The following HS6ST3 variants were observed in gnomAD, a reference collection of about 807,000 sequenced individuals.
HS6ST3 encodes the protein heparan sulfate 6-O-sulfotransferase 3, also known as heparan-sulfate 6-O-sulfotransferase 3.
In HS6ST3, 12 loss-of-function variants were observed where a neutral mutation model predicts 36.7. The observed-to-expected ratio is 0.33, with a 90% CI of 0.21 to 0.53. The LOEUF (loss-of-function observed/expected upper bound fraction) is 0.53. HS6ST3 is among the 20% of genes least tolerant of loss of function. The pLI is 0.95. For synonymous variants in HS6ST3, 240 were observed against 257.5 expected, an observed-to-expected ratio of 0.93 and a Z score of 0.65; for missense variants, 584 against 640.9, an observed-to-expected ratio of 0.91 and a Z score of 0.96.
intron 1 of HS6ST3, among the ~76,000 whole-genome samples, chr13:96,255,511 A>G (rs1213941439): frequency 6.6e-6 from 1 of 152,218 alleles, no homozygotes; most frequent in Non-Finnish European, 1.5e-5. Flanking sequence ...ATTCATTTAC[A>G]AATTTTTTTC....
At chr13:96,482,218 A>G (rs539789261) in intron 1 of HS6ST3, among the ~76,000 whole-genome samples, 1 of 152,250 alleles carries the variant, frequency 6.6e-6, no homozygotes, top group East Asian at 1.9e-4. Context: ...TTTACTAGTT[A>G]CCTATGACAC....
At chr13:96,207,035 G>A (rs2054374032) in intron 1 of HS6ST3, among the ~76,000 whole-genome samples, 1 of 152,118 alleles carries the variant, frequency 6.6e-6, no homozygotes, top group South Asian at 2.1e-4. Flanking sequence ...CTAAAGAATG[G>A]AGAAGATTTT....
chr13:96,735,426 A>G (rs1876258855), intron 1 of HS6ST3, among the ~76,000 whole-genome samples: 1 of 152,198 alleles, frequency 6.6e-6, no homozygotes, highest in Admixed American at 6.5e-5. Flanking sequence ...AGTTACCTAT[A>G]TATTTTATCA....
At chr13:96,130,221 A>G (rs2053969296) in intron 1 of HS6ST3, among the ~76,000 whole-genome samples, 1 of 152,158 alleles carries the variant, frequency 6.6e-6, no homozygotes, top group Admixed American at 6.5e-5. Context: ...TTTTTAGAAG[A>G]GTGTTAAAGG....
At chr13:96,803,263 G>T (rs1466394377) in intron 1 of HS6ST3, among the ~76,000 whole-genome samples, 1 of 152,120 alleles carries the variant, frequency 6.6e-6, no homozygotes, top group Non-Finnish European at 1.5e-5. Context: ...GTTAATTTTT[G>T]AGAATATAAT....
intron 1 of HS6ST3, among the ~76,000 whole-genome samples, chr13:96,723,412 C>T (rs940186637): frequency 2.0e-5 from 3 of 152,144 alleles, no homozygotes; most frequent in African/African-American, 7.2e-5. Context: ...CCTGATGACT[C>T]TACAGAGCTG....
At chr13:96,098,296 C>G (rs1398873032) in intron 1 of HS6ST3, among the ~76,000 whole-genome samples, 4 of 152,092 alleles carry the variant, frequency 2.6e-5, no homozygotes, top group Non-Finnish European at 5.9e-5. Flanking sequence ...GATGAGAGAG[C>G]TATATATTAA....
intron 1 of HS6ST3, among the ~76,000 whole-genome samples, chr13:96,394,369 G>A (rs189545166): frequency 1.8e-4 from 27 of 151,930 alleles, no homozygotes; most frequent in African/African-American, 6.3e-4. Context: ...GCACTAGCAC[G>A]TCTTGAGATA....
intron 1 of HS6ST3, among the ~76,000 whole-genome samples, chr13:96,737,631 C>CAAAAAAAAAA (rs5805990): frequency 1.5e-5 from 1 of 65,758 alleles, no homozygotes; most frequent in African/African-American, 5.5e-5. Context: ...GACTCCGTCT[C>CAAAAAAAAAA]AAAAAAAAAA....
At chr13:96,134,433 T>A (rs964129738) in intron 1 of HS6ST3, among the ~76,000 whole-genome samples, 2 of 151,996 alleles carry the variant, frequency 1.3e-5, no homozygotes, top group African/African-American at 4.8e-5. Context: ...TATTTAATAT[T>A]TTTTATTTTG....
intron 1 of HS6ST3, among the ~76,000 whole-genome samples, chr13:96,138,355 A>C (rs903128502): frequency 6.6e-6 from 1 of 150,910 alleles, no homozygotes; most frequent in Non-Finnish European, 1.5e-5. Flanking sequence ...TTATTGAGGT[A>C]TGGTTGATAT....
At chr13:96,523,755 G>A (rs1004756297) in intron 1 of HS6ST3, among the ~76,000 whole-genome samples, 8 of 152,112 alleles carry the variant, frequency 5.3e-5, no homozygotes, top group South Asian at 4.1e-4. Context: ...ATAGCCATTC[G>A]TCTAACAGTT....
chr13:96,743,149 C>G (rs1451078168), intron 1 of HS6ST3, among the ~76,000 whole-genome samples: 1 of 152,072 alleles, frequency 6.6e-6, no homozygotes, highest in African/African-American at 2.4e-5. Flanking sequence ...CTTGGATGAT[C>G]AGGTTCCGTT....
At chr13:96,276,140 T>C (rs1169292422) in intron 1 of HS6ST3, among the ~76,000 whole-genome samples, 1 of 152,148 alleles carries the variant, frequency 6.6e-6, no homozygotes, top group East Asian at 1.9e-4. Context: ...GTTGCTGGTG[T>C]GGAGGTTTTG....
chr13:96,776,233 A>C (rs1024803961), intron 1 of HS6ST3, among the ~76,000 whole-genome samples: 6 of 152,226 alleles, frequency 3.9e-5, no homozygotes, highest in Admixed American at 3.3e-4. Flanking sequence ...CCACAGGAGA[A>C]AGCAGAAAGA....
chr13:96,467,215 T>G (rs1251741521), intron 1 of HS6ST3, among the ~76,000 whole-genome samples: 1 of 152,180 alleles, frequency 6.6e-6, no homozygotes, highest in African/African-American at 2.4e-5. Context: ...ATTTCCCAAC[T>G]CTTCATGTGT....
intron 1 of HS6ST3, among the ~76,000 whole-genome samples, chr13:96,808,361 A>G (rs889458165): frequency 2.6e-5 from 4 of 152,180 alleles, no homozygotes; most frequent in African/African-American, 9.7e-5. Flanking sequence ...CTTCCAGATC[A>G]AAGCATTTAA....
chr13:96,609,010 C>T (rs1332826275), intron 1 of HS6ST3, among the ~76,000 whole-genome samples: 1 of 152,014 alleles, frequency 6.6e-6, no homozygotes, highest in Non-Finnish European at 1.5e-5. Context: ...CACTCTGTCA[C>T]CCAGGTTGGA....
intron 1 of HS6ST3, among the ~76,000 whole-genome samples, chr13:96,797,622 GAA>G (rs1348226528): frequency 1.3e-5 from 2 of 152,076 alleles, no homozygotes; most frequent in Admixed American, 6.6e-5. Flanking sequence ...GGGAAACAGA[GAA>G]ATTAATGGTT....
Sources: allele counts gnomAD v4.1 joint callset (sites outside exome capture counted in the v4.1 genomes callset), GRCh38; gene constraint gnomAD v4.1.1; transcripts MANE v1.5; gene names NCBI Gene and HGNC (gene_info 2026-07-23, HGNC 2026-07-21).